The following NBEAL1 variants were observed in gnomAD, a reference collection of about 807,000 sequenced individuals.
NBEAL1 encodes neurobeachin like 1.
In NBEAL1, 273 loss-of-function variants were observed where a neutral mutation model predicts 351.3. That is an observed-to-expected ratio of 0.78 (90% CI 0.70 to 0.86). NBEAL1 has a LOEUF of 0.86. Among genes scored for constraint, NBEAL1 ranks in the 40% least tolerant of loss-of-function variants. NBEAL1 has a pLI of 0.00. For missense variants in NBEAL1, 2,961 were observed against 3,201.3 expected (o/e 0.92, Z 1.81); for synonymous variants, 1,050 against 1,086.4 (o/e 0.97, Z 0.66).
At chr2:203,179,515 A>C (rs1021696883) in intron 42 of NBEAL1, among the ~76,000 whole-genome samples, 2 of 152,092 alleles carry the variant, frequency 1.3e-5, no homozygotes, top group African/African-American at 4.8e-5. Context: ...TAATTAATTG[A>C]AAATTAAATA....
In NBEAL1 at chr2:203,110,170, T is replaced by A; in HGVS notation, c.1970T>A (p.Met657Lys). 1 of 1,548,782 alleles carries A rather than the reference T, an allele frequency of 6.5e-7. No homozygotes were observed. Among genetic ancestry groups the A allele is most frequent in the East Asian group, 2.4e-5 (1 of 41,236 alleles). ...QLYSFFTGSG[M>K]GFEAFITHSG... is the part of the protein sequence containing the mutation. Reference sequence around the variant, plus strand: ...TTTAGTTTTTTTACAGGAAGTGGCATGGGTTTTGAAGCCTTTATTACCCAT... The same window carrying A: ...TTTAGTTTTTTTACAGGAAGTGGCAAGGGTTTTGAAGCCTTTATTACCCAT... The change falls in exon 15 of 56, where the codon ATG becomes AAG. Residue 657 changes from methionine (M) to lysine (K), a missense_variant. By Grantham distance (95) the Met-to-Lys change is moderately conservative. Coordinates refer to ENST00000683969, the MANE Select transcript of NBEAL1 (RefSeq NM_001378026.1).
chr2:203,174,896 A>AATAAATAAATAAAAAT (rs1246191804), intron 41 of NBEAL1, among the ~76,000 whole-genome samples: 1 of 135,124 alleles, frequency 7.4e-6, no homozygotes, highest in East Asian at 2.4e-4. Flanking sequence ...TAAATAAATA[A>AATAAATAAATAAAAAT]AAATAAAAAT....
chr2:203,189,048 A>G (rs1473679701), intron 45 of NBEAL1, among the ~76,000 whole-genome samples: 2 of 152,220 alleles, frequency 1.3e-5, no homozygotes, highest in African/African-American at 2.4e-5. Context: ...AAGATTGTGA[A>G]TAGTGTGAAG....
chr2:203,045,190 C>T (rs1231837790), intron 3 of NBEAL1, among the ~76,000 whole-genome samples: 1 of 151,942 alleles, frequency 6.6e-6, no homozygotes, highest in African/African-American at 2.4e-5. Context: ...TTATTAAAAC[C>T]AATGTGCATA....
chr2:203,084,280 G>A (rs1339369356), intron 9 of NBEAL1, among the ~76,000 whole-genome samples, 183 bp from the exon 10 acceptor site: 1 of 152,078 alleles, frequency 6.6e-6, no homozygotes, highest in Non-Finnish European at 1.5e-5. Flanking sequence ...AACATTAATT[G>A]TTTGGTGTAT....
intron 55 of NBEAL1, among the ~76,000 whole-genome samples, chr2:203,214,189 A>G (rs2065860913): frequency 6.6e-6 from 1 of 152,256 alleles, no homozygotes; most frequent in African/African-American, 2.4e-5. Context: ...TCTTAGGAAA[A>G]CTTTGTAGTT....
At chr2:203,137,405 C>T (rs543449406) in intron 29 of NBEAL1, among the ~76,000 whole-genome samples, 1 of 152,024 alleles carries the variant, frequency 6.6e-6, no homozygotes, top group South Asian at 2.1e-4. Flanking sequence ...GATTGGACAC[C>T]CCTGCTGTAG....
chr2:203,166,629 C>A (rs1250800244), intron 37 of NBEAL1, among the ~76,000 whole-genome samples: 1 of 152,138 alleles, frequency 6.6e-6, no homozygotes, highest in Non-Finnish European at 1.5e-5. Context: ...TCACTGAGAC[C>A]TCTGCCTCCC....
At chr2:203,151,214 C>T (rs1483871178) in intron 34 of NBEAL1, among the ~76,000 whole-genome samples, 1 of 152,080 alleles carries the variant, frequency 6.6e-6, no homozygotes, top group Admixed American at 6.6e-5. Context: ...GCCTGTAATC[C>T]CTGCTATGTC....
At chr2:203,077,207 TA>T (rs2061790670) in intron 7 of NBEAL1, among the ~76,000 whole-genome samples, 1 of 151,876 alleles carries the variant, frequency 6.6e-6, no homozygotes. Context: ...AGGTCTCTAC[TA>T]AAAATACAAA....
chr2:203,067,097 C>T (rs2061606120), intron 6 of NBEAL1, among the ~76,000 whole-genome samples: 1 of 152,214 alleles, frequency 6.6e-6, no homozygotes, highest in South Asian at 2.1e-4. Flanking sequence ...GGCAGAGGCG[C>T]TCCTCACTTC....
intron 44 of NBEAL1, 134 bp downstream of exon 44, chr2:203,183,522 A>G: frequency 1.9e-6 from 1 of 536,086 alleles, no homozygotes. Context: ...TTTAGAAAGT[A>G]CAATATAGCA....
At position 203,043,570 on chromosome 2, in the gene NBEAL1, G is replaced by A. The variant is rs898910445; in HGVS notation, c.143+1714G>A. On this transcript the variant is annotated intron_variant, in intron 3 of 55. Transcript: ENST00000683969. Reference sequence around the variant, plus strand: ...AGCCTGGGCAACATGGCAAAACCCCGTTTCTACAAATAATTAAAAATGGTG... The same window carrying A: ...AGCCTGGGCAACATGGCAAAACCCCATTTCTACAAATAATTAAAAATGGTG... Among the ~76,000 whole-genome samples, 10 of 151,872 alleles carry A rather than the reference G, an allele frequency of 6.6e-5. No homozygotes were observed. In the East Asian group the frequency reaches 9.7e-4, roughly 15 times the overall value.
Position 203,193,891 on chromosome 2 carries a change from C to G in NBEAL1, c.7018C>G (p.Leu2340Val), listed in dbSNP as rs777678741. 3 of 1,605,918 alleles carry G rather than the reference C, an allele frequency of 1.9e-6. No individual in the cohort carries two copies. The highest frequency in any genetic ancestry group is 4.5e-5 in the East Asian group (2 of 44,558). Residue 2340 changes from leucine to valine, a missense_variant, in exon 47 of 56, where the codon CTC becomes GTC. Transcript: ENST00000683969. Reference protein sequence around the residue: ...TLNLFQHLPELKSFFIEGISD... With the variant: ...TLNLFQHLPEVKSFFIEGISD... ...AAACCTGTTTCAACACCTTCCTGAA[C>G]TCAAGTCATTTTTTATAGAGGTAAT...
At chr2:203,175,114 T>C in intron 41 of NBEAL1, 33 bp from the exon 42 acceptor site, 6 of 1,567,606 alleles carry the variant, frequency 3.8e-6, no homozygotes, top group Non-Finnish European at 5.2e-6. Flanking sequence ...TTTATTATTG[T>C]GGTTTTAAAA....
chr2:203,171,705 T>C (rs1470336244), intron 39 of NBEAL1, among the ~76,000 whole-genome samples: 1 of 151,720 alleles, frequency 6.6e-6, no homozygotes, highest in African/African-American at 2.4e-5. Context: ...AGAATTTTTA[T>C]CAAGACCTAG....
At chr2:203,148,002 T>A (rs2106345436) in intron 33 of NBEAL1, among the ~76,000 whole-genome samples, 1 of 152,150 alleles carries the variant, frequency 6.6e-6, no homozygotes, top group South Asian at 2.1e-4. Context: ...GGAATTTATG[T>A]TTAATTACCA....
chr2:203,143,328 G>A (rs1199190976), intron 31 of NBEAL1, among the ~76,000 whole-genome samples: 1 of 145,916 alleles, frequency 6.9e-6, no homozygotes, highest in Non-Finnish European at 1.5e-5. Flanking sequence ...ATATTACTCG[G>A]GAATTTTAAG....
At chr2:203,157,165 T>G (rs1409278778) in intron 35 of NBEAL1, among the ~76,000 whole-genome samples, 1 of 152,170 alleles carries the variant, frequency 6.6e-6, no homozygotes, top group Admixed American at 6.5e-5. Context: ...TTTTACAGGA[T>G]GTTTAGTTTA....
Sources: allele counts gnomAD v4.1 joint callset (sites outside exome capture counted in the v4.1 genomes callset), GRCh38; gene constraint gnomAD v4.1.1; transcripts MANE v1.5; gene names NCBI Gene and HGNC (gene_info 2026-07-23, HGNC 2026-07-21).